ZNF705G: variants seen among roughly 807,000 people sequenced by gnomAD.
The protein encoded by ZNF705G is zinc finger protein 705G, also known as putative zinc finger protein 705G.
A neutral mutation model predicts 19.6 loss-of-function variants in ZNF705G; 23 were observed. The observed-to-expected ratio is 1.17, with a 90% CI of 0.84 to 1.66. The LOEUF is 1.66. Among genes scored for constraint, ZNF705G ranks in the 40% most tolerant of loss-of-function variants. The pLI, the probability that ZNF705G is intolerant of heterozygous loss-of-function variation, is 0.00. For synonymous variants in ZNF705G, 146 were observed against 117.7 expected, an observed-to-expected ratio of 1.24 and a Z score of -1.56; for missense variants, 457 against 354.4, an observed-to-expected ratio of 1.29 and a Z score of -2.32.
At position 7,376,350 on chromosome 8, in the gene ZNF705G, G is replaced by A. The variant is rs1807238366; in HGVS notation, c.-72+5102C>T. Among the ~76,000 whole-genome samples, 2 of 93,440 alleles carry A rather than the reference G, an allele frequency of 2.1e-5. 1 individual carries two copies. The highest frequency in any genetic ancestry group is 7.2e-4 in the South Asian group (2 of 2,774). 61.3% of individuals were successfully genotyped at this position (93,440 alleles called of 152,430 possible). ...GAATGTTTATTAAAATCGCTGTACTGATTGAAAGCTATTCTAGAATTGGCT... is the reference window on the plus strand; with the variant it reads ...GAATGTTTATTAAAATCGCTGTACTAATTGAAAGCTATTCTAGAATTGGCT... On this transcript the variant is annotated intron_variant, in intron 2 of 6. Coordinates refer to ENST00000400156, the MANE Select transcript of ZNF705G (RefSeq NM_001164457.3).
At chr8:7,369,630 A>G (rs1224254750) in intron 2 of ZNF705G, among the ~76,000 whole-genome samples, 1 of 149,798 alleles carries the variant, frequency 6.7e-6, no homozygotes, top group East Asian at 1.9e-4. Flanking sequence ...TGCAATAGCA[A>G]AGACATGGAA....
chr8:7,365,529 C>A (rs1585415836), intron 2 of ZNF705G, among the ~76,000 whole-genome samples: 1 of 149,086 alleles, frequency 6.7e-6, no homozygotes. Context: ...CAGGCTTGCG[C>A]CATCGTGCTC....
chr8:7,367,383 A>T (rs570529563), intron 2 of ZNF705G, among the ~76,000 whole-genome samples: 1 of 149,552 alleles, frequency 6.7e-6, no homozygotes, highest in African/African-American at 2.6e-5. Context: ...CAAAAATGTG[A>T]GTTAAATGCA....
rs368463878 is a variant in ZNF705G, at chr8:7,358,448, T to C, written c.431A>G (p.Tyr144Cys). The stretch of plus-strand genomic sequence containing the variant: ...GGATTTTCCACACTGTTTGCTGACA[T>C]AGGGTTTCTTTCCACTATGAGTTAA... ...CLLTHSGKKP[Y>C]VSKQCGKSLR... The change falls in exon 7 of 7, where the codon TAT becomes TGT. Residue 144 changes from tyrosine (Y) to cysteine (C), a missense_variant. Physicochemically the swap from Tyr to Cys is radical, Grantham distance 194. Coordinates refer to ENST00000400156, the MANE Select transcript of ZNF705G (RefSeq NM_001164457.3). 5.2e-4 allele frequency: 831 copies of C among 1,607,566 alleles called. 84 individuals carry two copies. In the African/African-American group the frequency reaches 9.8e-3, roughly 19 times the overall value.
Position 7,357,340 on chromosome 8 carries a change from C to G in ZNF705G, c.*636G>C, listed in dbSNP as rs1303075681. 1.3e-5 allele frequency: 2 copies of G among 152,924 alleles called. No individual in the cohort carries two copies. The highest frequency in any genetic ancestry group is 2.5e-5 in the African/African-American group (1 of 39,244). The allele number at this position is 152,924 out of a possible 1,614,324, so 9.5% of individuals were successfully genotyped here. A position where few individuals can be genotyped will look rare whatever the true frequency, so the allele number is the denominator to read the frequency against. ...CATGAAGGCTTTCCTCTCTTATTTTCCATTTTAGCAGCATTTTGTCACTCT... is the reference window on the plus strand; with the variant it reads ...CATGAAGGCTTTCCTCTCTTATTTTGCATTTTAGCAGCATTTTGTCACTCT... On this transcript the variant is annotated 3_prime_UTR_variant, in exon 7 of 7. Coordinates refer to ENST00000400156, the MANE Select transcript of ZNF705G (RefSeq NM_001164457.3).
intron 2 of ZNF705G, among the ~76,000 whole-genome samples, 159 bp from the exon 3 acceptor site, chr8:7,363,176 G>A (rs1407131281): frequency 6.7e-6 from 1 of 149,358 alleles, no homozygotes; most frequent in South Asian, 2.1e-4. Context: ...TTTTCCCGTG[G>A]TCAAAATTAA....
chr8:7,368,080 G>T (rs1334809197), intron 2 of ZNF705G, among the ~76,000 whole-genome samples: 1 of 149,320 alleles, frequency 6.7e-6, no homozygotes, highest in Non-Finnish European at 1.5e-5. Flanking sequence ...CCTCTGATTG[G>T]CTTCCCCTTA....
At chr8:7,368,514 A>G (rs1346375042) in intron 2 of ZNF705G, among the ~76,000 whole-genome samples, 1 of 149,604 alleles carries the variant, frequency 6.7e-6, no homozygotes, top group Non-Finnish European at 1.5e-5. Context: ...AATAAAATAC[A>G]TTGCAGAAAT....
chr8:7,358,471 T>G lies in ZNF705G; in HGVS notation c.408A>C (p.Leu136Phe), dbSNP rs1337685073. ...TRSSTITQCLLTHSGKKPYVS... is the reference protein window; with the variant it reads ...TRSSTITQCLFTHSGKKPYVS... Reference sequence around the variant, plus strand: ...CATAGGGTTTCTTTCCACTATGAGTTAACAAACACTGAGTTATTGTGGAAC... The same window carrying G: ...CATAGGGTTTCTTTCCACTATGAGTGAACAAACACTGAGTTATTGTGGAAC... The change falls in exon 7 of 7, where the codon TTA becomes TTC. Residue 136 changes from leucine to phenylalanine, a missense_variant. Transcript: ENST00000400156. 6.2e-7 allele frequency: 1 copy of G among 1,607,740 alleles called. No individual in the cohort carries two copies. The highest frequency in any genetic ancestry group is 8.5e-7 in the Non-Finnish European group (1 of 1,179,610).
intron 2 of ZNF705G, among the ~76,000 whole-genome samples, chr8:7,366,623 G>C (rs1806869447): frequency 6.7e-6 from 1 of 149,538 alleles, no homozygotes. Flanking sequence ...ATACAATAAA[G>C]CTAAAACAAT....
chr8:7,384,391 T>C (rs1301313293), intron 1 of ZNF705G, among the ~76,000 whole-genome samples: 2 of 145,104 alleles, frequency 1.4e-5, no homozygotes, highest in East Asian at 1.9e-4. Flanking sequence ...TTCAACCCCA[T>C]CAAAAAGTGG....
At chr8:7,364,099 T>C (rs1157554170) in intron 2 of ZNF705G, among the ~76,000 whole-genome samples, 1 of 149,426 alleles carries the variant, frequency 6.7e-6, no homozygotes, top group African/African-American at 2.6e-5. Context: ...ATGGTTTATA[T>C]TAGTCTTTGT....
At chr8:7,366,736 C>G (rs532379496) in intron 2 of ZNF705G, among the ~76,000 whole-genome samples, 1 of 149,590 alleles carries the variant, frequency 6.7e-6, no homozygotes, top group East Asian at 1.9e-4. Context: ...TTGAGAAAAT[C>G]TGAGAAAGGA....
chr8:7,383,204 T>G (rs1257857276), intron 1 of ZNF705G, among the ~76,000 whole-genome samples: 2 of 148,326 alleles, frequency 1.3e-5, no homozygotes, highest in Non-Finnish European at 3.0e-5. Flanking sequence ...AACTTCTGCA[T>G]AGATTACAAC....
chr8:7,360,974 C>T (rs1187266744), intron 4 of ZNF705G, 136 bp downstream of exon 4: 4 of 1,525,354 alleles, frequency 2.6e-6, no homozygotes, highest in Non-Finnish European at 3.5e-6. Context: ...TTAGAGAGTT[C>T]AAACCTTTTT....
intron 2 of ZNF705G, among the ~76,000 whole-genome samples, chr8:7,376,745 A>G (rs1370507456): frequency 4.7e-5 from 7 of 150,224 alleles, no homozygotes; most frequent in Non-Finnish European, 8.8e-5. Flanking sequence ...ATATTTATGT[A>G]TTAAACACAT....
Position 7,362,880 on chromosome 8 carries a change from C to T in ZNF705G, c.12+55G>A. 3.2e-6 allele frequency: 5 copies of T among 1,573,978 alleles called. No individual in the cohort carries two copies. The Admixed American group carries it at 8.5e-5, about 27-fold the overall frequency. On this transcript the variant is annotated intron_variant, in intron 3 of 6. Transcript: ENST00000400156. The stretch of plus-strand genomic sequence containing the variant: ...ACCCATGCAAATTGGAGAAAACTGC[C>T]CATTTGCCAGCAATATGGGTATAAT...
At chr8:7,365,562 G>A (rs1435455459) in intron 2 of ZNF705G, among the ~76,000 whole-genome samples, 1 of 148,986 alleles carries the variant, frequency 6.7e-6, no homozygotes, top group Non-Finnish European at 1.5e-5. Flanking sequence ...ACTAGACGTG[G>A]TTTCTCCATT....
At chr8:7,367,406 A>G (rs1185099110) in intron 2 of ZNF705G, among the ~76,000 whole-genome samples, 5 of 149,492 alleles carry the variant, frequency 3.3e-5, no homozygotes, top group African/African-American at 5.1e-5. Flanking sequence ...CCCCAGGAAG[A>G]AGCAACTTCT....
Sources: gnomAD v4.1 joint callset for allele counts (sites outside exome capture counted in the v4.1 genomes callset) on GRCh38, gnomAD v4.1.1 for gene constraint, MANE v1.5 for transcripts, NCBI Gene and HGNC (gene_info 2026-07-23, HGNC 2026-07-21) for gene names.